The following TBCCD1 variants were observed in gnomAD, a reference collection of about 807,000 sequenced individuals.
TBCCD1 encodes the protein TBCC domain containing 1, also known as TBCC domain-containing protein 1.
TBCCD1 carries 26 observed loss-of-function variants against 53.4 expected under a neutral mutation model. That is an observed-to-expected ratio of 0.49 (90% CI 0.36 to 0.68). The LOEUF (loss-of-function observed/expected upper bound fraction) is 0.68, where lower values mean the gene tolerates loss of function less well. TBCCD1 is among the 30% of genes least tolerant of loss of function. The pLI, the probability that TBCCD1 is intolerant of heterozygous loss-of-function variation, is 0.00. For synonymous variants in TBCCD1, 245 were observed against 241.7 expected (o/e 1.01, Z -0.13); for missense variants, 558 against 669.5 (o/e 0.83, Z 1.84).
upstream of TBCCD1, chr3:186,567,480 T>A (rs1001020322): frequency 6.6e-6 from 1 of 151,158 alleles, no homozygotes; most frequent in African/African-American, 2.4e-5. Flanking sequence ...GGGTCGAGAG[T>A]CCGCAACAGT....
chr3:186,552,271 A>T (rs895751992), intron 6 of TBCCD1, among the ~76,000 whole-genome samples: 4 of 152,160 alleles, frequency 2.6e-5, no homozygotes, highest in African/African-American at 9.7e-5. Flanking sequence ...CATGATAAGA[A>T]AGAGAAGAGT....
At position 186,554,876 on chromosome 3, in the gene TBCCD1, A is replaced by G. The variant is rs757536501; in HGVS notation, c.1046+22T>C. 5 of 1,611,224 alleles carry G rather than the reference A, an allele frequency of 3.1e-6. No individual in the cohort carries two copies. The Admixed American group carries it at 8.4e-5, about 27-fold the overall frequency. ...CCAAAGAAAATGTCAGAACATCAGA[A>G]CACCATGAAAACTGTGCTTACCGTA... is the stretch of plus-strand genomic sequence containing the variant. On this transcript the variant is annotated intron_variant, in intron 5 of 7. Coordinates refer to ENST00000338733, the MANE Select transcript of TBCCD1 (RefSeq NM_018138.5).
intron 2 of TBCCD1, among the ~76,000 whole-genome samples, chr3:186,558,875 T>C (rs1459034957): frequency 1.3e-5 from 2 of 152,178 alleles, no homozygotes; most frequent in East Asian, 3.8e-4. Flanking sequence ...CCTGAGTAGC[T>C]GGGATTACAA....
chr3:186,560,116 T>G (rs1714651253), intron 2 of TBCCD1, among the ~76,000 whole-genome samples: 1 of 148,444 alleles, frequency 6.7e-6, no homozygotes, highest in Non-Finnish European at 1.5e-5. Context: ...TTTGTTACAT[T>G]ATCATTATTT....
At position 186,556,273 on chromosome 3, in the gene TBCCD1, T is replaced by C. The variant is rs145921297; in HGVS notation, c.859+136A>G. 1.9e-3 allele frequency: 1,734 copies of C among 920,016 alleles called. 11 individuals carry two copies. The highest frequency in any genetic ancestry group is 0.014 in the African/African-American group (819 of 56,564). The allele number at this position is 920,016 out of a possible 1,614,324, so 57.0% of individuals were successfully genotyped here. On this transcript the variant is annotated intron_variant, in intron 4 of 7. Coordinates refer to ENST00000338733, the MANE Select transcript of TBCCD1 (RefSeq NM_018138.5). ...GAAAAAGTCATGCACAAAAGACAGA[T>C]GTTCCTTTTTCTCTTTTATAGGAGC...
intron 3 of TBCCD1, 52 bp from the exon 4 acceptor site, chr3:186,556,827 TAA>T: frequency 6.5e-7 from 1 of 1,542,216 alleles, no homozygotes. Context: ...CCACAAGATC[TAA>T]AATTTCTATA....
At chr3:186,561,943 T>C (rs1714702137) in intron 2 of TBCCD1, among the ~76,000 whole-genome samples, 2 of 152,234 alleles carry the variant, frequency 1.3e-5, no homozygotes, top group Admixed American at 1.3e-4. Context: ...GCAGCATTAT[T>C]GATAATGGCC....
At chr3:186,559,461 T>C (rs142975964) in intron 2 of TBCCD1, among the ~76,000 whole-genome samples, 2 of 152,312 alleles carry the variant, frequency 1.3e-5, no homozygotes, top group Non-Finnish European at 2.9e-5. Flanking sequence ...AGTCATTTCT[T>C]ATTCAAGGAA....
intron 2 of TBCCD1, among the ~76,000 whole-genome samples, chr3:186,559,175 G>A (rs1426074450): frequency 1.3e-5 from 2 of 152,074 alleles, no homozygotes; most frequent in African/African-American, 4.8e-5. Context: ...CATTATTTCA[G>A]AAGTTTAAAC....
upstream of TBCCD1, chr3:186,570,023 G>T: frequency 5.0e-6 from 3 of 602,100 alleles, no homozygotes; most frequent in South Asian, 3.6e-5. Flanking sequence ...AAAATTCACA[G>T]AACTGCCAAT....
chr3:186,554,797 A>T (rs1479502476), intron 5 of TBCCD1, 46 bp from the exon 6 acceptor site: 5 of 1,591,726 alleles, frequency 3.1e-6, no homozygotes, highest in African/African-American at 1.4e-5. Flanking sequence ...ATAAGATTTT[A>T]AAAATTTGAC....
chr3:186,563,097 A>G (rs1207156297), intron 2 of TBCCD1, among the ~76,000 whole-genome samples: 1 of 152,256 alleles, frequency 6.6e-6, no homozygotes, highest in Non-Finnish European at 1.5e-5. Flanking sequence ...GCTGATTAAC[A>G]GTGACTCCAA....
rs765701068 is a variant in TBCCD1 at position 186,564,004 on chromosome 3, TG to T, written c.325del (p.Gln109ArgfsTer21). On this transcript the variant is annotated frameshift_variant, in exon 2 of 8. Transcript: ENST00000338733. LOFTEE classifies it high-confidence loss of function. The stretch of plus-strand genomic sequence containing the variant: ...CATATCAATCCGTACCTGATTTCTC[TG>T]CTTTTCAACTTCCTCCTCAGACATG... ...NCMSEEEVEK[Q>X]RNQLSVDTLQ... 6.2e-7 allele frequency: 1 copy of T among 1,608,456 alleles called. No individual in the cohort carries two copies. The highest frequency in any genetic ancestry group is 1.1e-5 in the South Asian group (1 of 90,572).
At chr3:186,560,316 G>A (rs1236533672) in intron 2 of TBCCD1, among the ~76,000 whole-genome samples, 2 of 152,182 alleles carry the variant, frequency 1.3e-5, no homozygotes, top group Non-Finnish European at 2.9e-5. Context: ...ATGAATAAAT[G>A]TACTGCCCTT....
chr3:186,557,697 A>G (rs901979541), intron 3 of TBCCD1, among the ~76,000 whole-genome samples: 1 of 152,220 alleles, frequency 6.6e-6, no homozygotes, highest in African/African-American at 2.4e-5. Context: ...AAAGAAAGTG[A>G]GAAGAGAGAG....
rs1051420870 is a variant in TBCCD1 at position 186,563,641 on chromosome 3, A to C, written c.336+353T>G. On this transcript the variant is annotated intron_variant, in intron 2 of 7. Coordinates refer to ENST00000338733, the MANE Select transcript of TBCCD1 (RefSeq NM_018138.5). ...GGGAGTAGGTGAGTAAGGTCTGGTA[A>C]GTAAGGACTAATTCATTGAATACAT... Among the ~76,000 whole-genome samples, 4 of 152,254 alleles carry C rather than the reference A, an allele frequency of 2.6e-5. No homozygotes were observed. The East Asian group carries it at 7.7e-4, about 29-fold the overall frequency.
intron 7 of TBCCD1, among the ~76,000 whole-genome samples, 194 bp downstream of exon 7, chr3:186,550,935 T>C (rs1714354730): frequency 6.6e-6 from 1 of 152,208 alleles, no homozygotes. Context: ...CCAAATTCTA[T>C]AGGCTCCATC....
chr3:186,553,285 A>C (rs1322229403), intron 6 of TBCCD1: 1 of 152,242 alleles, frequency 6.6e-6, no homozygotes, highest in African/African-American at 2.4e-5. Context: ...CTTTTGGCTG[A>C]GATCAAGTGT....
upstream of TBCCD1, chr3:186,570,294 A>G: frequency 3.7e-6 from 2 of 547,916 alleles, no homozygotes; most frequent in Non-Finnish European, 6.6e-6. Flanking sequence ...CTGCTCCCTC[A>G]TTCGGAGCGT....
Sources: allele counts gnomAD v4.1 joint callset (sites outside exome capture counted in the v4.1 genomes callset), GRCh38; gene constraint gnomAD v4.1.1; transcripts MANE v1.5; gene names NCBI Gene and HGNC (gene_info 2026-07-23, HGNC 2026-07-21).